ANKIB1: variants seen among roughly 807,000 people sequenced by gnomAD.
ANKIB1 encodes ankyrin repeat and IBR domain-containing protein 1.
ANKIB1 carries 43 observed loss-of-function variants against 122.1 expected under a neutral mutation model. That is an observed-to-expected ratio of 0.35 (90% CI 0.28 to 0.45). The LOEUF is 0.45. Among genes scored for constraint, ANKIB1 ranks in the 20% least tolerant of loss-of-function variants. ANKIB1 has a pLI of 1.00. For synonymous variants in ANKIB1, 390 were observed against 442.0 expected (o/e 0.88, Z 1.48); for missense variants, 992 against 1,329.5 (o/e 0.75, Z 3.95).
At chr7:92,309,939 AAAAAT>A (rs1802652070) in intron 3 of ANKIB1, among the ~76,000 whole-genome samples, 1 of 132,282 alleles carries the variant, frequency 7.6e-6, no homozygotes, top group African/African-American at 2.9e-5. Context: ...AAAAAAAAAA[AAAAAT>A]ATATATATAT....
chr7:92,339,500 T>C (rs1803389375), intron 5 of ANKIB1, among the ~76,000 whole-genome samples: 1 of 152,268 alleles, frequency 6.6e-6, no homozygotes. Flanking sequence ...TTTCCTGGAA[T>C]ATTATCTACT....
intron 9 of ANKIB1, among the ~76,000 whole-genome samples, chr7:92,359,967 A>G: frequency 6.6e-6 from 1 of 152,204 alleles, no homozygotes; most frequent in East Asian, 1.9e-4. Context: ...CTAAGTTGCT[A>G]GGAGCTCTGT....
chr7:92,372,095 A>G (rs534400388), intron 11 of ANKIB1, among the ~76,000 whole-genome samples: 19 of 151,828 alleles, frequency 1.3e-4, no homozygotes, highest in Admixed American at 1.2e-3. Context: ...TCAAGGCCCA[A>G]ACTAGGCCCA....
chr7:92,307,735 TTTGATTGTCTTAGTAATTTGGTCA>T, intron 3 of ANKIB1, 79 bp downstream of exon 3: 1 of 1,210,730 alleles, frequency 8.3e-7, no homozygotes, highest in Non-Finnish European at 1.1e-6. Context: ...TTTTTTTTTT[TTTGATTGTCTTAGTAATTTGGTCA>T]TTTTTTTTCT....
intron 7 of ANKIB1, among the ~76,000 whole-genome samples, chr7:92,349,052 A>G (rs1436103990): frequency 6.6e-6 from 1 of 152,178 alleles, no homozygotes; most frequent in Non-Finnish European, 1.5e-5. Flanking sequence ...GAAAAAGAAA[A>G]TGGAAGAGAG....
intron 5 of ANKIB1, among the ~76,000 whole-genome samples, chr7:92,335,487 A>G (rs992075048): frequency 3.3e-5 from 5 of 151,952 alleles, no homozygotes; most frequent in Admixed American, 6.6e-5. Context: ...TAAAATTTCT[A>G]TTTATGAATG....
chr7:92,310,886 A>C (rs1483157666), intron 3 of ANKIB1, among the ~76,000 whole-genome samples: 3 of 152,184 alleles, frequency 2.0e-5, no homozygotes, highest in Admixed American at 1.3e-4. Context: ...TGTGGAAACC[A>C]CAGATAGAGA....
chr7:92,300,802 C>T (rs1802443014), intron 2 of ANKIB1, among the ~76,000 whole-genome samples: 1 of 152,006 alleles, frequency 6.6e-6, no homozygotes, highest in Non-Finnish European at 1.5e-5. Flanking sequence ...TCTCCAGAAC[C>T]TAATTCATCT....
In ANKIB1 at chr7:92,391,232, C is replaced by T. The variant is rs763804241; in HGVS notation, c.2119C>T (p.Arg707Cys). The T allele has an allele frequency of 1.8e-5, 29 of 1,613,296 alleles. No individual in the cohort carries two copies. The South Asian group carries it at 2.0e-4, about 11-fold the overall frequency. Residue 707 changes from arginine to cysteine, a missense_variant, in exon 16 of 20, where the codon CGC (arginine) becomes TGC (cysteine). Physicochemically the swap from Arg to Cys is radical, Grantham distance 180 (BLOSUM62 -3). Around this residue, in one of 4 missense-constraint regions of ANKIB1, gnomAD observed 521 missense variants for 777.7 expected, o/e 0.67. Transcript: ENST00000265742. ...KVNRPYLRTP[R>C]HKIIKAACLV... ...CAATAGGCCTTACCTTCGCACACCCCGCCACAAGATCATCAAAGCAGCATG... is the reference window on the plus strand; with the variant it reads ...CAATAGGCCTTACCTTCGCACACCCTGCCACAAGATCATCAAAGCAGCATG...
intron 11 of ANKIB1, among the ~76,000 whole-genome samples, chr7:92,380,324 C>T (rs755968115): frequency 1.3e-4 from 20 of 152,202 alleles, no homozygotes; most frequent in African/African-American, 1.9e-4. Flanking sequence ...GAACAAAAGG[C>T]CACAGAAACT....
At chr7:92,291,476 GAA>G (rs891948070) in intron 1 of ANKIB1, among the ~76,000 whole-genome samples, 15 of 148,606 alleles carry the variant, frequency 1.0e-4, no homozygotes, top group African/African-American at 3.7e-4. Flanking sequence ...TTTTAAAAAA[GAA>G]AGAGTTATAA....
intron 1 of ANKIB1, among the ~76,000 whole-genome samples, chr7:92,283,894 C>G (rs1241361314): frequency 1.3e-5 from 2 of 152,144 alleles, no homozygotes; most frequent in African/African-American, 2.4e-5. Flanking sequence ...CCTCTGCTTC[C>G]TGAGTAGCTG....
chr7:92,265,875 A>C (rs1272558460), intron 1 of ANKIB1, among the ~76,000 whole-genome samples: 4 of 152,240 alleles, frequency 2.6e-5, no homozygotes, highest in Non-Finnish European at 1.5e-5. Context: ...CAAGATGTCA[A>C]GTAGGCACTG....
chr7:92,396,400 A>C lies in ANKIB1; in HGVS notation c.2319A>C (p.Arg773Ser). 6.3e-7 allele frequency: 1 copy of C among 1,597,250 alleles called. No individual in the cohort carries two copies. The highest frequency in any genetic ancestry group is 8.5e-7 in the Non-Finnish European group (1 of 1,171,096). ...YAEFQYRRRH[R>S]QRRRGDVHSL... ...AATTTCAGTATCGGAGGAGGCACAG[A>C]CAACGTCGTCGAGGAGATGTTCACA... Residue 773 changes from arginine to serine, a missense_variant, in exon 18 of 20, where the codon AGA (arginine) becomes AGC (serine). Around this residue, in one of 4 missense-constraint regions of ANKIB1, gnomAD observed 384 missense variants for 412.0 expected, o/e 0.93. Transcript: ENST00000265742.
chr7:92,281,198 G>C (rs58197600), intron 1 of ANKIB1, among the ~76,000 whole-genome samples: 1 of 152,316 alleles, frequency 6.6e-6, no homozygotes, highest in East Asian at 1.9e-4. Flanking sequence ...AATGTAATCT[G>C]CCAAAGAAGT....
At chr7:92,368,212 A>G (rs1253680261) in intron 10 of ANKIB1, among the ~76,000 whole-genome samples, 1 of 151,848 alleles carries the variant, frequency 6.6e-6, no homozygotes, top group Non-Finnish European at 1.5e-5. Flanking sequence ...ACATGCATAC[A>G]TGTTGATTCT....
chr7:92,367,023 C>T (rs1420603532), intron 10 of ANKIB1, among the ~76,000 whole-genome samples: 1 of 152,018 alleles, frequency 6.6e-6, no homozygotes, highest in Non-Finnish European at 1.5e-5. Flanking sequence ...AAATGTCCTT[C>T]CTCATGATAA....
intron 1 of ANKIB1, among the ~76,000 whole-genome samples, chr7:92,255,750 T>C (rs1801422513): frequency 6.6e-6 from 1 of 152,212 alleles, no homozygotes; most frequent in Admixed American, 6.5e-5. Context: ...GAATTTTTTT[T>C]CTTTAACCTA....
chr7:92,254,050 G>A (rs1801386425), intron 1 of ANKIB1, among the ~76,000 whole-genome samples: 1 of 152,188 alleles, frequency 6.6e-6, no homozygotes, highest in African/African-American at 2.4e-5. Flanking sequence ...CTAGTGTAAG[G>A]AAGCACTAGA....
Sources: gnomAD v4.1 joint callset for allele counts (sites outside exome capture counted in the v4.1 genomes callset) on GRCh38, gnomAD v4.1.1 for gene constraint, gnomAD v4.1.1 regional missense constraint, MANE v1.5 for transcripts, NCBI Gene and HGNC (gene_info 2026-07-23, HGNC 2026-07-21) for gene names.